The following PTPRD variants were observed in gnomAD, a reference collection of about 807,000 sequenced individuals.
The protein encoded by PTPRD is protein tyrosine phosphatase receptor type D.
Under a neutral mutation model 214.5 loss-of-function variants are expected in PTPRD, and 34 were observed. That is an observed-to-expected ratio of 0.16 (90% confidence interval 0.12 to 0.21). The LOEUF (loss-of-function observed/expected upper bound fraction) is 0.21. Ranked by LOEUF, PTPRD falls within the 10% of genes least tolerant of loss-of-function variation. The pLI is 1.00. For synonymous variants in PTPRD, 1,128 were observed against 845.7 expected (o/e 1.33, Z -5.79); for missense variants, 2,545 against 2,398.7 (o/e 1.06, Z -1.27).
intron 11 of PTPRD, chr9:8,860,572 A>G (rs2098083858): frequency 6.6e-6 from 1 of 152,198 alleles, no homozygotes; most frequent in African/African-American, 2.4e-5. Context: ...TAGAGAAGCC[A>G]AAGTTTCTCT....
intron 6 of PTPRD, among the ~76,000 whole-genome samples, chr9:9,743,694 T>C: frequency 6.7e-6 from 1 of 148,422 alleles, no homozygotes; most frequent in Non-Finnish European, 1.5e-5. Context: ...CACCCCATAG[T>C]CCAAATCTTA....
chr9:10,018,407 C>T (rs897481683), intron 4 of PTPRD, among the ~76,000 whole-genome samples: 3 of 151,738 alleles, frequency 2.0e-5, no homozygotes, highest in African/African-American at 7.3e-5. Context: ...AGATCTGTGT[C>T]CCCTTATAAA....
At chr9:10,259,814 C>T (rs1463920698) in intron 3 of PTPRD, among the ~76,000 whole-genome samples, 1 of 152,178 alleles carries the variant, frequency 6.6e-6, no homozygotes, top group Non-Finnish European at 1.5e-5. Context: ...ACACTCAGGT[C>T]TTGATTTCCA....
chr9:8,433,421 A>G (rs1280870205), intron 35 of PTPRD, among the ~76,000 whole-genome samples: 1 of 152,216 alleles, frequency 6.6e-6, no homozygotes, highest in Non-Finnish European at 1.5e-5. Flanking sequence ...AAAGAACTTT[A>G]AAACAGCCTT....
At chr9:10,109,097 C>G (rs1040635854) in intron 3 of PTPRD, among the ~76,000 whole-genome samples, 1 of 152,140 alleles carries the variant, frequency 6.6e-6, no homozygotes, top group Non-Finnish European at 1.5e-5. Context: ...ACAATGTGAA[C>G]ATGTTGCCAT....
rs78208043 is a variant in PTPRD at position 8,503,080 on chromosome 9, C to T, written c.1822+1181G>A. The stretch of plus-strand genomic sequence containing the variant: ...TGAAAGAAAATTTTATGGGAATAAA[C>T]GATAATCACTAATAGATTAAACATG... On this transcript the variant is annotated intron_variant, in intron 23 of 45. Coordinates refer to ENST00000381196, the MANE Select transcript of PTPRD (RefSeq NM_002839.4). Among the ~76,000 whole-genome samples, 667 of 151,800 alleles carry T rather than the reference C, an allele frequency of 4.4e-3. 15 individuals are homozygous for T. The highest frequency in any genetic ancestry group is 0.03 in the Admixed American group (463 of 15,254).
chr9:9,842,469 G>A (rs2058570825), intron 5 of PTPRD, among the ~76,000 whole-genome samples: 1 of 151,614 alleles, frequency 6.6e-6, no homozygotes, highest in African/African-American at 2.4e-5. Flanking sequence ...ATTCAAGTGG[G>A]CTTTAAGAAA....
chr9:9,335,452 G>C (rs990292601), intron 9 of PTPRD, among the ~76,000 whole-genome samples: 2 of 152,008 alleles, frequency 1.3e-5, no homozygotes, highest in East Asian at 1.9e-4. Context: ...TTTTTAACGG[G>C]TAGTGTACAG....
chr9:9,760,871 A>C (rs1056121753), intron 6 of PTPRD, among the ~76,000 whole-genome samples: 1 of 152,140 alleles, frequency 6.6e-6, no homozygotes, highest in African/African-American at 2.4e-5. Context: ...TACCTATCAG[A>C]ATGGCTAAAA....
chr9:9,980,298 A>G (rs753944887), intron 4 of PTPRD, among the ~76,000 whole-genome samples: 4 of 151,940 alleles, frequency 2.6e-5, no homozygotes, highest in Non-Finnish European at 5.9e-5. Flanking sequence ...CATATAACAC[A>G]TATCTGTGGT....
intron 3 of PTPRD, among the ~76,000 whole-genome samples, chr9:10,267,510 C>T (rs1196627588): frequency 6.6e-6 from 1 of 151,910 alleles, no homozygotes; most frequent in Non-Finnish European, 1.5e-5. Flanking sequence ...TGATTGACAC[C>T]TACTAGCAAG....
intron 11 of PTPRD, among the ~76,000 whole-genome samples, chr9:8,782,681 T>A (rs1431937413): frequency 7.0e-6 from 1 of 143,016 alleles, no homozygotes; most frequent in East Asian, 2.2e-4. Flanking sequence ...CACTGCAACC[T>A]CCACCTCCCG....
intron 3 of PTPRD, among the ~76,000 whole-genome samples, chr9:10,043,952 AT>A (rs1384559666): frequency 6.6e-6 from 1 of 151,778 alleles, no homozygotes; most frequent in Non-Finnish European, 1.5e-5. Flanking sequence ...ATTACTGGCT[AT>A]TTTTTATTAT....
intron 3 of PTPRD, among the ~76,000 whole-genome samples, chr9:10,245,441 G>T (rs184721051): frequency 6.6e-6 from 1 of 152,018 alleles, no homozygotes; most frequent in Non-Finnish European, 1.5e-5. Flanking sequence ...AAATGACTCC[G>T]TACACAATGC....
chr9:8,341,057 GC>G lies in PTPRD; in HGVS notation c.5126+32del, dbSNP rs767694701. On this transcript the variant is annotated intron_variant, in intron 41 of 45. Coordinates refer to ENST00000381196, the MANE Select transcript of PTPRD (RefSeq NM_002839.4). ...AACTAGGGCACATGTAAATATCAAG[GC>G]TTTGGATAGTCAGGGGAGCAAAAGT... The G allele has an allele frequency of 3.2e-6, 5 of 1,541,176 alleles. No homozygotes were observed. The African/African-American group carries it at 7.0e-5, about 21-fold the overall frequency.
At chr9:8,473,652 T>C (rs2096704730) in intron 30 of PTPRD, among the ~76,000 whole-genome samples, 1 of 152,154 alleles carries the variant, frequency 6.6e-6, no homozygotes, top group Non-Finnish European at 1.5e-5. Context: ...TTTTTTCTTC[T>C]GCTTTCATAC....
intron 3 of PTPRD, among the ~76,000 whole-genome samples, chr9:10,050,261 T>C (rs1446083748): frequency 2.6e-5 from 4 of 151,516 alleles, no homozygotes; most frequent in Non-Finnish European, 5.9e-5. Context: ...TGCAATGACC[T>C]TAAAGAAATT....
chr9:10,304,494 A>T (rs1225227926), intron 3 of PTPRD, among the ~76,000 whole-genome samples: 1 of 152,166 alleles, frequency 6.6e-6, no homozygotes, highest in African/African-American at 2.4e-5. Context: ...AGATGACATG[A>T]TTGTATATTT....
At chr9:10,178,660 A>G (rs554687295) in intron 3 of PTPRD, among the ~76,000 whole-genome samples, 30 of 152,104 alleles carry the variant, frequency 2.0e-4, no homozygotes, top group African/African-American at 7.0e-4. Flanking sequence ...ATAATAAGTG[A>G]AGAGTTCAGA....
Sources: gnomAD v4.1 joint callset for allele counts (sites outside exome capture counted in the v4.1 genomes callset) on GRCh38, gnomAD v4.1.1 for gene constraint, MANE v1.5 for transcripts, NCBI Gene and HGNC (gene_info 2026-07-23, HGNC 2026-07-21) for gene names.